Variants in ERBB4 observed in about 807,000 individuals in gnomAD.
The protein encoded by ERBB4 is erb-b2 receptor tyrosine kinase 4.
In ERBB4, 42 loss-of-function variants were observed where a neutral mutation model predicts 158.0. The observed-to-expected ratio is 0.27, with a 90% confidence interval of 0.21 to 0.34. ERBB4 has a LOEUF of 0.34. Ranked by LOEUF, ERBB4 falls within the 10% of genes least tolerant of loss-of-function variation. The pLI is 1.00. For synonymous variants in ERBB4, 583 were observed against 558.7 expected (o/e 1.04, Z -0.61); for missense variants, 1,333 against 1,624.1 (o/e 0.82, Z 3.08).
intron 5 of ERBB4, among the ~76,000 whole-genome samples, chr2:211,745,733 A>AC (rs147915790): frequency 0.059 from 4,901 of 82,626 alleles, 485 homozygotes; most frequent in East Asian, 0.24. Context: ...ACAAAAACAA[A>AC]ACAAAAAAAA....
In ERBB4 at chr2:212,003,198, A is replaced by AAAGAAAGAAAGAAAGG. The variant is rs1559293620; in HGVS notation, c.235-55583_235-55582insCCTTTCTTTCTTTCTT. ...GAAAGAAAGAAAGAAAGAAAGAAAGAAAGAAAGACAGAAAGAAGGAAGGAA... is the reference window on the plus strand; with the variant it reads ...GAAAGAAAGAAAGAAAGAAAGAAAGAAAGAAAGAAAGAAAGGAAGAAAGACAGAAAGAAGGAAGGAA... On this transcript the variant is annotated intron_variant, in intron 2 of 27. Coordinates refer to ENST00000342788, the MANE Select transcript of ERBB4 (RefSeq NM_005235.3). Among the ~76,000 whole-genome samples the AAAGAAAGAAAGAAAGG allele has an allele frequency of 3.7e-3, 216 of 58,734 alleles. 12 individuals carry two copies. The highest frequency in any genetic ancestry group is 0.035 in the East Asian group (61 of 1,748). 38.5% of individuals were successfully genotyped at this position (58,734 alleles called of 152,430 possible).
chr2:211,648,765 G>T (rs893472063), intron 16 of ERBB4, among the ~76,000 whole-genome samples: 2 of 151,716 alleles, frequency 1.3e-5, no homozygotes, highest in Non-Finnish European at 3.0e-5. Flanking sequence ...AAATCCTACA[G>T]TATGATCTAG....
chr2:212,186,484 G>A (rs2082020186), intron 1 of ERBB4, among the ~76,000 whole-genome samples: 1 of 152,154 alleles, frequency 6.6e-6, no homozygotes, highest in South Asian at 2.1e-4. Context: ...TCAATCAAGT[G>A]TAGATGTCAG....
intron 21 of ERBB4, 128 bp downstream of exon 21, chr2:211,430,817 A>C: frequency 1.2e-6 from 1 of 808,300 alleles, no homozygotes; most frequent in Non-Finnish European, 2.1e-6. Flanking sequence ...GAGAAGAGGC[A>C]AATGGTAGAA....
chr2:212,364,840 G>C (rs565775317), intron 1 of ERBB4, among the ~76,000 whole-genome samples: 80 of 151,650 alleles, frequency 5.3e-4, no homozygotes, highest in Non-Finnish European at 9.7e-4. Flanking sequence ...ATTTCAGTGG[G>C]AGACAGGGAG....
intron 2 of ERBB4, among the ~76,000 whole-genome samples, chr2:211,996,343 A>G (rs2082199745): frequency 6.6e-6 from 1 of 152,074 alleles, no homozygotes; most frequent in African/African-American, 2.4e-5. Context: ...GTCTTTAGTA[A>G]CTATTGATAC....
chr2:211,421,226 G>C (rs1053727119), intron 24 of ERBB4, among the ~76,000 whole-genome samples: 7 of 151,742 alleles, frequency 4.6e-5, no homozygotes, highest in African/African-American at 1.7e-4. Flanking sequence ...AACAATTTCA[G>C]TTCATGAAAA....
At chr2:212,131,248 A>G (rs918656799) in intron 1 of ERBB4, among the ~76,000 whole-genome samples, 8 of 152,096 alleles carry the variant, frequency 5.3e-5, no homozygotes, top group African/African-American at 1.9e-4. Context: ...CTCCTAACTA[A>G]TGTCCAGGAT....
chr2:212,059,257 G>A (rs1189381212), intron 2 of ERBB4, among the ~76,000 whole-genome samples: 1 of 152,126 alleles, frequency 6.6e-6, no homozygotes, highest in Non-Finnish European at 1.5e-5. Flanking sequence ...CCTCTTCAAG[G>A]AGAACAACAA....
At chr2:211,500,921 T>C (rs1220671265) in intron 20 of ERBB4, among the ~76,000 whole-genome samples, 1 of 152,036 alleles carries the variant, frequency 6.6e-6, no homozygotes, top group Non-Finnish European at 1.5e-5. Flanking sequence ...ACAGTAATGG[T>C]CTTACATTTC....
chr2:212,193,660 T>C (rs1019843533), intron 1 of ERBB4, among the ~76,000 whole-genome samples: 1 of 152,100 alleles, frequency 6.6e-6, no homozygotes, highest in African/African-American at 2.4e-5. Context: ...CATATATGAA[T>C]CTTGATTTCT....
chr2:211,938,808 G>C (rs888493787), intron 3 of ERBB4, among the ~76,000 whole-genome samples: 6 of 152,130 alleles, frequency 3.9e-5, no homozygotes, highest in African/African-American at 1.4e-4. Context: ...ACAATGACTT[G>C]AATGTACAAG....
At chr2:212,014,217 T>C (rs938713291) in intron 2 of ERBB4, among the ~76,000 whole-genome samples, 1 of 152,186 alleles carries the variant, frequency 6.6e-6, no homozygotes, top group African/African-American at 2.4e-5. Flanking sequence ...TGGAAGATTA[T>C]AGAATGTTAA....
intron 1 of ERBB4, among the ~76,000 whole-genome samples, chr2:212,433,189 C>A (rs2092067567): frequency 1.3e-5 from 2 of 151,820 alleles, no homozygotes; most frequent in East Asian, 1.9e-4. Flanking sequence ...GATAGAGTAG[C>A]CTTCATAGGA....
intron 20 of ERBB4, among the ~76,000 whole-genome samples, chr2:211,437,177 T>A (rs550788620): frequency 6.6e-6 from 1 of 152,328 alleles, no homozygotes; most frequent in African/African-American, 2.4e-5. Context: ...ATCTGACTAT[T>A]TTTTATACCT....
At chr2:211,575,296 A>G (rs1451151245) in intron 19 of ERBB4, among the ~76,000 whole-genome samples, 1 of 152,134 alleles carries the variant, frequency 6.6e-6, no homozygotes, top group Non-Finnish European at 1.5e-5. Context: ...GCATTAACTA[A>G]CCTTTTTTGG....
chr2:212,114,115 G>C (rs1378374844), intron 2 of ERBB4, among the ~76,000 whole-genome samples: 1 of 152,178 alleles, frequency 6.6e-6, no homozygotes, highest in Admixed American at 6.5e-5. Context: ...TCTGGTACTT[G>C]TTATTTAGGA....
chr2:211,581,133 G>A (rs1283354712), intron 19 of ERBB4, among the ~76,000 whole-genome samples: 1 of 150,524 alleles, frequency 6.6e-6, no homozygotes, highest in Non-Finnish European at 1.5e-5. Flanking sequence ...GTGGGGAGGG[G>A]GTGAAGCATA....
intron 2 of ERBB4, among the ~76,000 whole-genome samples, chr2:211,998,251 T>C (rs2076014444): frequency 6.6e-6 from 1 of 151,768 alleles, no homozygotes; most frequent in Non-Finnish European, 1.5e-5. Flanking sequence ...CCTGCTTATC[T>C]GTCTTGTTTC....
Sources: allele counts gnomAD v4.1 joint callset (sites outside exome capture counted in the v4.1 genomes callset), GRCh38; gene constraint gnomAD v4.1.1; transcripts MANE v1.5; gene names NCBI Gene and HGNC (gene_info 2026-07-23, HGNC 2026-07-21).